The following TMEM51 variants were observed in gnomAD, a reference collection of about 807,000 sequenced individuals.
The protein encoded by TMEM51 is chromosome 1 open reading frame 72.
In TMEM51, 8 loss-of-function variants were observed where a neutral mutation model predicts 13.6. The observed-to-expected ratio is 0.59, with a 90% CI of 0.35 to 1.07. TMEM51 has a LOEUF of 1.07. Ranked by LOEUF, TMEM51 falls within the 50% of genes least tolerant of loss-of-function variation. TMEM51 has a pLI of 0.02. For missense variants in TMEM51, 279 were observed against 330.7 expected, an observed-to-expected ratio of 0.84 and a Z score of 1.21; for synonymous variants, 147 against 144.4, an observed-to-expected ratio of 1.02 and a Z score of -0.13.
In TMEM51 at chr1:15,178,808, G is replaced by A. The variant is rs111786955; in HGVS notation, c.-267+24854G>A. Among the ~76,000 whole-genome samples, 510 of 152,306 alleles carry A rather than the reference G, an allele frequency of 3.3e-3. 3 individuals are homozygous for A. Among genetic ancestry groups the A allele is most frequent in the African/African-American group, 0.012 (479 of 41,566 alleles). On this transcript the variant is annotated intron_variant, in intron 1 of 3. Transcript: ENST00000376008. ...ATTGGTCCCCTGGAGGTCCCTTAGC[G>A]GAGAGTTTAGGGGAAGGACTGAGAA... is the stretch of plus-strand genomic sequence containing the variant.
At chr1:15,203,421 A>C (rs1644193474) in intron 1 of TMEM51, among the ~76,000 whole-genome samples, 1 of 143,702 alleles carries the variant, frequency 7.0e-6, no homozygotes, top group African/African-American at 2.8e-5. Flanking sequence ...CTCCCGGCTA[A>C]TTTTTGTATT....
chr1:15,200,117 C>T (rs1644126181), intron 1 of TMEM51, among the ~76,000 whole-genome samples: 1 of 151,966 alleles, frequency 6.6e-6, no homozygotes, highest in Non-Finnish European at 1.5e-5. Context: ...AAGGCCTTTA[C>T]ATAGGGGATC....
At chr1:15,209,302 G>A (rs534558958) in intron 1 of TMEM51, among the ~76,000 whole-genome samples, 8 of 151,594 alleles carry the variant, frequency 5.3e-5, no homozygotes, top group Non-Finnish European at 8.8e-5. Flanking sequence ...TCACTATAGT[G>A]CCCAGGCTAG....
At chr1:15,185,667 G>A (rs914196564) in intron 1 of TMEM51, among the ~76,000 whole-genome samples, 1 of 152,270 alleles carries the variant, frequency 6.6e-6, no homozygotes, top group African/African-American at 2.4e-5. Context: ...TACTTCCAGA[G>A]TGCTGTGACA....
intron 1 of TMEM51, among the ~76,000 whole-genome samples, chr1:15,170,922 G>T (rs557432200): frequency 2.6e-5 from 4 of 152,128 alleles, no homozygotes; most frequent in South Asian, 4.2e-4. Context: ...TAGAGACGGG[G>T]TTTAACCGTG....
chr1:15,168,209 G>A (rs1643096282), intron 1 of TMEM51, among the ~76,000 whole-genome samples: 1 of 152,150 alleles, frequency 6.6e-6, no homozygotes, highest in Non-Finnish European at 1.5e-5. Context: ...ACTCCTATGA[G>A]GGTCCTCAAT....
At chr1:15,155,945 G>A (rs754188734) in intron 1 of TMEM51, among the ~76,000 whole-genome samples, 2 of 152,160 alleles carry the variant, frequency 1.3e-5, no homozygotes, top group African/African-American at 2.4e-5. Context: ...GGAAGTTGGC[G>A]AGGATCCTAG....
At chr1:15,179,034 G>A (rs903476543) in intron 1 of TMEM51, among the ~76,000 whole-genome samples, 2 of 152,176 alleles carry the variant, frequency 1.3e-5, no homozygotes, top group South Asian at 2.1e-4. Context: ...GGGACTGCTC[G>A]TTAGGAAAAC....
chr1:15,193,122 G>T (rs1573421945), intron 1 of TMEM51, among the ~76,000 whole-genome samples: 1 of 152,200 alleles, frequency 6.6e-6, no homozygotes, highest in Non-Finnish European at 1.5e-5. Flanking sequence ...GCCCGCAGAG[G>T]GCCCCTCTGG....
intron 1 of TMEM51, among the ~76,000 whole-genome samples, chr1:15,184,950 A>T (rs1442831252): frequency 6.6e-6 from 1 of 151,992 alleles, no homozygotes; most frequent in Non-Finnish European, 1.5e-5. Context: ...CACTCCCAAC[A>T]AAGAATTATC....
intron 1 of TMEM51, among the ~76,000 whole-genome samples, chr1:15,195,998 T>C (rs1020414018): frequency 1.3e-5 from 2 of 152,196 alleles, no homozygotes; most frequent in African/African-American, 4.8e-5. Context: ...TCCCTCCCCA[T>C]CACTTAAAAG....
upstream of TMEM51, among the ~76,000 whole-genome samples, chr1:15,152,957 G>T (rs2100796063): frequency 6.6e-6 from 1 of 152,310 alleles, no homozygotes; most frequent in African/African-American, 2.4e-5. Context: ...CTGGGGATGA[G>T]CCCTCAGCAG....
In TMEM51 at chr1:15,207,929, A is replaced by C. The variant is rs1644279076; in HGVS notation, c.-266-2561A>C. Among the ~76,000 whole-genome samples, 1 of 152,180 alleles carries C rather than the reference A, an allele frequency of 6.6e-6. No homozygotes were observed. The highest frequency in any genetic ancestry group is 2.4e-5 in the African/African-American group (1 of 41,450). Reference sequence around the variant, plus strand: ...AGCTTTTATTAATCCTCTCCCCTTCAGGCTTGGACTGGGAATTTCCCCTCA... The same window carrying C: ...AGCTTTTATTAATCCTCTCCCCTTCCGGCTTGGACTGGGAATTTCCCCTCA... On this transcript the variant is annotated intron_variant, in intron 1 of 3. Transcript: ENST00000376008. This position sits in a 1 kb window ranked among gnomAD's most constrained non-coding sequence, Gnocchi z 4.6.
Position 15,215,203 on chromosome 1 carries a change from C to T in TMEM51, c.116C>T (p.Ala39Val), listed in dbSNP as rs754095891. 3.3e-5 allele frequency: 54 copies of T among 1,614,092 alleles called. No homozygotes were observed. In the Middle Eastern group the frequency reaches 1.6e-3, roughly 49 times the overall value. ...AMWNLVPGFS[A>V]AEKPTAQGSN... Reference sequence around the variant, plus strand: ...TGGAACCTGGTACCCGGCTTCAGCGCGGCCGAGAAGCCAACAGCTCAGGGC... The same window carrying T: ...TGGAACCTGGTACCCGGCTTCAGCGTGGCCGAGAAGCCAACAGCTCAGGGC... The change falls in exon 3 of 4, where the codon GCG becomes GTG. Residue 39 changes from alanine (A) to valine (V), a missense_variant. Coordinates refer to ENST00000376008, the MANE Select transcript of TMEM51 (RefSeq NM_001136218.2).
chr1:15,206,242 AAAAAG>A lies in TMEM51; in HGVS notation c.-266-4246_-266-4242del, dbSNP rs1251538462. On this transcript the variant is annotated intron_variant, in intron 1 of 3. Transcript: ENST00000376008. ...TGAGACCCTGTCAAAAAAAAAAAAAAAAAAGAGAGAGAGAAGAAAGGGAAGAGGAG... is the reference window on the plus strand; with the variant it reads ...TGAGACCCTGTCAAAAAAAAAAAAAAAGAGAGAGAAGAAAGGGAAGAGGAG... Among the ~76,000 whole-genome samples the A allele has an allele frequency of 5.1e-3, 746 of 145,486 alleles. 9 individuals carry two copies. The highest frequency in any genetic ancestry group is 0.011 in the Middle Eastern group (3 of 274).
chr1:15,195,965 G>A (rs78512576), intron 1 of TMEM51, among the ~76,000 whole-genome samples: 2,164 of 152,280 alleles, frequency 0.014, 56 homozygotes, highest in African/African-American at 0.05. Flanking sequence ...CTGCAACTCC[G>A]TGGCTTACTC....
intron 1 of TMEM51, among the ~76,000 whole-genome samples, chr1:15,187,271 A>G (rs944870694): frequency 1.5e-5 from 2 of 135,076 alleles, no homozygotes; most frequent in Non-Finnish European, 3.1e-5. Context: ...CCCTGTTGCC[A>G]CCACTCTGCC....
At chr1:15,173,724 T>G (rs1643371389) in intron 1 of TMEM51, among the ~76,000 whole-genome samples, 2 of 152,038 alleles carry the variant, frequency 1.3e-5, no homozygotes, top group Admixed American at 6.6e-5. Context: ...GAAGAGCCTT[T>G]CAACTTCTAG....
At chr1:15,202,461 G>A (rs114734128) in intron 1 of TMEM51, among the ~76,000 whole-genome samples, 2,893 of 152,256 alleles carry the variant, frequency 0.019, 94 homozygotes, top group African/African-American at 0.066. Flanking sequence ...CAGAAGTCCA[G>A]CCTCAGTTTC....
Sources: allele counts gnomAD v4.1 joint callset (sites outside exome capture counted in the v4.1 genomes callset), GRCh38; gene constraint gnomAD v4.1.1; non-coding constraint Gnocchi (gnomAD v3.1); transcripts MANE v1.5; gene names NCBI Gene and HGNC (gene_info 2026-07-23, HGNC 2026-07-21).